Variants in SLC9A9 observed in about 807,000 individuals in gnomAD.
SLC9A9 encodes the protein solute carrier family 9 member A9, also known as sodium/hydrogen exchanger 9.
A neutral mutation model predicts 77.8 loss-of-function variants in SLC9A9; 62 were observed. That is an observed-to-expected ratio of 0.80 (90% confidence interval 0.65 to 0.98). SLC9A9 has a LOEUF of 0.98. Among genes scored for constraint, SLC9A9 ranks in the 50% least tolerant of loss-of-function variants. The probability of loss-of-function intolerance (pLI) is 0.00; values close to 1 mark genes in which losing one functional copy is unlikely to be tolerated. For missense variants in SLC9A9, 775 were observed against 774.9 expected (o/e 1.00, Z 0.00); for synonymous variants, 320 against 283.5 (o/e 1.13, Z -1.29).
At position 143,265,602 on chromosome 3, in the gene SLC9A9, T is replaced by A. The variant is rs577459945; in HGVS notation, c.*1100A>T. The A allele has an allele frequency of 9.2e-6, 3 of 327,186 alleles. No individual in the cohort carries two copies. The highest frequency in any genetic ancestry group is 1.7e-5 in the Non-Finnish European group (3 of 181,336). 20.3% of individuals were successfully genotyped at this position (327,186 alleles called of 1,614,324 possible). On this transcript the variant is annotated 3_prime_UTR_variant, in exon 16 of 16. Transcript: ENST00000316549. ...TTCAAGAGGTGCTAGGCTTGAGGTATCTTTATGGCTTAAAAGGCACAGGTC... is the reference window on the plus strand; with the variant it reads ...TTCAAGAGGTGCTAGGCTTGAGGTAACTTTATGGCTTAAAAGGCACAGGTC...
intron 11 of SLC9A9, among the ~76,000 whole-genome samples, chr3:143,485,219 AC>A (rs1338806541): frequency 6.6e-6 from 1 of 152,184 alleles, no homozygotes; most frequent in Non-Finnish European, 1.5e-5. Flanking sequence ...TGTTCTGATC[AC>A]TGATGCTGGT....
At chr3:143,688,783 C>A (rs1933360110) in intron 5 of SLC9A9, among the ~76,000 whole-genome samples, 1 of 152,032 alleles carries the variant, frequency 6.6e-6, no homozygotes, top group Admixed American at 6.6e-5. Flanking sequence ...ATCAACCTCT[C>A]ATACCATAAG....
intron 4 of SLC9A9, among the ~76,000 whole-genome samples, chr3:143,768,741 G>T (rs1468253881): frequency 6.6e-6 from 1 of 152,162 alleles, no homozygotes; most frequent in Admixed American, 6.6e-5. Flanking sequence ...AAAATGTGGA[G>T]CCCATGAAGG....
intron 4 of SLC9A9, among the ~76,000 whole-genome samples, chr3:143,718,976 C>T (rs1412413846): frequency 6.6e-6 from 1 of 152,142 alleles, no homozygotes; most frequent in Non-Finnish European, 1.5e-5. Context: ...AAAACAATAC[C>T]AACCTAGAGG....
At chr3:143,299,989 A>C (rs901543069) in intron 14 of SLC9A9, among the ~76,000 whole-genome samples, 7 of 152,216 alleles carry the variant, frequency 4.6e-5, no homozygotes, top group African/African-American at 1.7e-4. Context: ...TTTAGAGCAG[A>C]GATCGCTAAT....
chr3:143,498,770 C>T (rs1235349738), intron 9 of SLC9A9, among the ~76,000 whole-genome samples: 1 of 152,116 alleles, frequency 6.6e-6, no homozygotes, highest in Non-Finnish European at 1.5e-5. Context: ...TCTACCACCA[C>T]AAATTAGCTT....
intron 6 of SLC9A9, among the ~76,000 whole-genome samples, chr3:143,619,228 G>A (rs2038156678): frequency 6.6e-6 from 1 of 152,200 alleles, no homozygotes; most frequent in Non-Finnish European, 1.5e-5. Flanking sequence ...CCACTATAAA[G>A]ATTATACAGT....
intron 6 of SLC9A9, among the ~76,000 whole-genome samples, chr3:143,580,503 A>G (rs770532526): frequency 1.3e-5 from 2 of 152,130 alleles, no homozygotes; most frequent in Admixed American, 1.3e-4. Flanking sequence ...ACCCTGTACC[A>G]TTATTTATGT....
chr3:143,345,547 TG>T (rs960235892), intron 14 of SLC9A9, among the ~76,000 whole-genome samples: 1 of 152,024 alleles, frequency 6.6e-6, no homozygotes, highest in African/African-American at 2.4e-5. Flanking sequence ...ACCAGATAAG[TG>T]GGTTGAGGAA....
intron 2 of SLC9A9, among the ~76,000 whole-genome samples, chr3:143,822,379 C>T (rs1210018405): frequency 6.6e-6 from 1 of 152,218 alleles, no homozygotes; most frequent in Non-Finnish European, 1.5e-5. Context: ...GACATTCTTG[C>T]TCCACACACC....
intron 2 of SLC9A9, among the ~76,000 whole-genome samples, chr3:143,820,956 A>T (rs2009151656): frequency 6.9e-6 from 1 of 145,436 alleles, no homozygotes; most frequent in Non-Finnish European, 1.5e-5. Flanking sequence ...CTTAGCTTTG[A>T]GGTGTGTATG....
intron 14 of SLC9A9, among the ~76,000 whole-genome samples, chr3:143,303,805 C>G (rs1377362366): frequency 6.6e-6 from 1 of 152,142 alleles, no homozygotes; most frequent in African/African-American, 2.4e-5. Flanking sequence ...CAAAACTTGC[C>G]AGGCCCATTT....
chr3:143,379,025 T>C (rs541510057), intron 13 of SLC9A9, among the ~76,000 whole-genome samples: 1 of 150,742 alleles, frequency 6.6e-6, no homozygotes, highest in African/African-American at 2.4e-5. Context: ...CATATTAATA[T>C]ATATAATTTT....
At chr3:143,810,595 T>A (rs1417448356) in intron 2 of SLC9A9, among the ~76,000 whole-genome samples, 1 of 152,216 alleles carries the variant, frequency 6.6e-6, no homozygotes, top group Non-Finnish European at 1.5e-5. Flanking sequence ...TATATATGCA[T>A]GGGCAAATGA....
At chr3:143,651,146 C>A (rs756866749) in intron 6 of SLC9A9, among the ~76,000 whole-genome samples, 5 of 152,164 alleles carry the variant, frequency 3.3e-5, no homozygotes, top group Non-Finnish European at 7.3e-5. Context: ...TTCCTGATGT[C>A]CTAATTAATT....
intron 5 of SLC9A9, among the ~76,000 whole-genome samples, chr3:143,672,321 G>C (rs2039169468): frequency 6.6e-6 from 1 of 152,114 alleles, no homozygotes; most frequent in Non-Finnish European, 1.5e-5. Flanking sequence ...GAGAGGGCCA[G>C]AAGGTGAAAA....
At chr3:143,797,008 G>A in intron 2 of SLC9A9, 105 bp from the exon 3 acceptor site, 1 of 854,880 alleles carries the variant, frequency 1.2e-6, no homozygotes, top group Admixed American at 2.3e-5. Flanking sequence ...GCCTTTGTGA[G>A]GCATATTAAC....
intron 4 of SLC9A9, among the ~76,000 whole-genome samples, chr3:143,745,727 G>A (rs1383869813): frequency 6.6e-6 from 1 of 152,120 alleles, no homozygotes; most frequent in Non-Finnish European, 1.5e-5. Flanking sequence ...TTGTGTGACA[G>A]GCACTTGGAA....
chr3:143,690,386 A>G (rs529776134), intron 5 of SLC9A9, among the ~76,000 whole-genome samples: 14 of 152,270 alleles, frequency 9.2e-5, no homozygotes, highest in Non-Finnish European at 1.8e-4. Context: ...TTGACAATCC[A>G]GCAGCAATGC....
Sources: allele counts gnomAD v4.1 joint callset (sites outside exome capture counted in the v4.1 genomes callset), GRCh38; gene constraint gnomAD v4.1.1; transcripts MANE v1.5; gene names NCBI Gene and HGNC (gene_info 2026-07-23, HGNC 2026-07-21).